The following CKAP2 variants were observed in gnomAD, a reference collection of about 807,000 sequenced individuals.
CKAP2 encodes the protein cytoskeleton-associated protein 2.
Under a neutral mutation model 58.4 loss-of-function variants are expected in CKAP2, and 46 were observed. The observed-to-expected ratio is 0.79, with a 90% CI of 0.62 to 1.01. CKAP2 has a LOEUF of 1.01. Among genes scored for constraint, CKAP2 ranks in the 50% least tolerant of loss-of-function variants. CKAP2 has a pLI of 0.00. For synonymous variants in CKAP2, 293 were observed against 280.9 expected (o/e 1.04, Z -0.43); for missense variants, 809 against 796.4 (o/e 1.02, Z -0.19).
intron 2 of CKAP2, among the ~76,000 whole-genome samples, chr13:52,457,434 T>C (rs61959680): frequency 0.022 from 3,316 of 152,268 alleles, 61 homozygotes; most frequent in Middle Eastern, 0.034. Flanking sequence ...CACAGAAATA[T>C]CTTTATTATT....
At chr13:52,457,660 C>A (rs1958508030) in intron 2 of CKAP2, among the ~76,000 whole-genome samples, 1 of 152,116 alleles carries the variant, frequency 6.6e-6, no homozygotes. Context: ...CAAGACCAGC[C>A]TGGCTAACAC....
chr13:52,455,534 G>T lies in CKAP2; in HGVS notation c.-23G>T, dbSNP rs750393676. The T allele has an allele frequency of 3.1e-6, 5 of 1,612,570 alleles. No individual in the cohort carries two copies. The South Asian group carries it at 4.4e-5, about 14-fold the overall frequency. On this transcript the variant is annotated 5_prime_UTR_variant, in exon 1 of 9. Transcript: ENST00000258607. ...TCTATCTTGGCGCTAAAGCGGAGAC[G>T]CATCCCCCGACCCGAGGCTACGATG...
intron 7 of CKAP2, among the ~76,000 whole-genome samples, chr13:52,471,416 A>G (rs1325387325): frequency 1.3e-5 from 2 of 152,102 alleles, no homozygotes; most frequent in Non-Finnish European, 2.9e-5. Flanking sequence ...GAAATGTATA[A>G]TTGTAAGTTC....
intron 6 of CKAP2, among the ~76,000 whole-genome samples, chr13:52,466,852 T>C (rs1266079643): frequency 3.3e-5 from 5 of 152,044 alleles, no homozygotes; most frequent in Non-Finnish European, 7.4e-5. Flanking sequence ...TCCCAACACG[T>C]TGGGAAGCCG....
chr13:52,462,573 GTCTT>G lies in CKAP2; in HGVS notation c.1305+8_1305+11del, dbSNP rs1056461328. On this transcript the variant is annotated splice_region_variant and intron_variant, in intron 5 of 8. Transcript: ENST00000258607. Reference sequence around the variant, plus strand: ...GCCTGAACTTGATTAATGAGGTAGAGTCTTTATATTTGCTTAGCATTTTATAGTT... The same window carrying G: ...GCCTGAACTTGATTAATGAGGTAGAGTATATTTGCTTAGCATTTTATAGTT... The G allele has an allele frequency of 2.2e-5, 36 of 1,603,976 alleles. No homozygotes were observed. The highest frequency in any genetic ancestry group is 1.7e-5 in the Admixed American group (1 of 58,048).
intron 7 of CKAP2, among the ~76,000 whole-genome samples, chr13:52,472,493 G>GTT (rs149612564): frequency 1.3e-5 from 2 of 151,098 alleles, no homozygotes; most frequent in South Asian, 2.1e-4. Context: ...AAATTCAGAG[G>GTT]TTTTTTTTTC....
At chr13:52,463,045 C>G (rs1958609715) in intron 5 of CKAP2, among the ~76,000 whole-genome samples, 1 of 152,206 alleles carries the variant, frequency 6.6e-6, no homozygotes, top group Non-Finnish European at 1.5e-5. Context: ...TGAAGCCCTT[C>G]TCCTGCCTCA....
At chr13:52,462,277 A>T (rs1374007567) in intron 4 of CKAP2, 86 bp from the exon 5 acceptor site, 1 of 1,239,124 alleles carries the variant, frequency 8.1e-7, no homozygotes, top group African/African-American at 1.5e-5. Flanking sequence ...AAGATTACTT[A>T]AAAATATGAT....
chr13:52,462,736 A>C (rs111901344), intron 5 of CKAP2, among the ~76,000 whole-genome samples, 169 bp downstream of exon 5: 1 of 152,224 alleles, frequency 6.6e-6, no homozygotes, highest in Non-Finnish European at 1.5e-5. Flanking sequence ...TGCGAGATAC[A>C]CTGCTTCATT....
In CKAP2 at chr13:52,475,840, G is replaced by C. The variant is rs1347497845; in HGVS notation, c.*699G>C. 2 of 152,308 alleles carry C rather than the reference G, an allele frequency of 1.3e-5. No individual in the cohort carries two copies. Among genetic ancestry groups the C allele is most frequent in the African/African-American group, 4.8e-5 (2 of 41,552 alleles). The allele number at this position is 152,308 out of a possible 1,614,324, so 9.4% of individuals were successfully genotyped here. A position where few individuals can be genotyped will look rare whatever the true frequency, so the allele number is the denominator to read the frequency against. ...ATTAAATACCGCATTTCTAAGAGAAGATACTTTGTGTAAGAAAAGATGCCA... is the reference window on the plus strand; with the variant it reads ...ATTAAATACCGCATTTCTAAGAGAACATACTTTGTGTAAGAAAAGATGCCA... On this transcript the variant is annotated 3_prime_UTR_variant, in exon 9 of 9. Coordinates refer to ENST00000258607, the MANE Select transcript of CKAP2 (RefSeq NM_018204.5).
rs186344190 is a variant in CKAP2, at chr13:52,470,982, A to C, written c.1546+2635A>C. On this transcript the variant is annotated intron_variant, in intron 7 of 8. Transcript: ENST00000258607. ...AGACCATCCTGGCCAACATGGTGAA[A>C]CCCCGTCTCCACTAAAAATACAAAA... Among the ~76,000 whole-genome samples, 155 of 152,100 alleles carry C rather than the reference A, an allele frequency of 1.0e-3. 2 individuals are homozygous for C. The East Asian group carries it at 0.029, about 28-fold the overall frequency.
chr13:52,461,497 G>T lies in CKAP2; in HGVS notation c.671G>T (p.Ser224Ile). The T allele has an allele frequency of 6.2e-7, 1 of 1,614,138 alleles. No individual in the cohort carries two copies. The highest frequency in any genetic ancestry group is 8.5e-7 in the Non-Finnish European group (1 of 1,180,028). The change falls in exon 4 of 9, where the codon AGT becomes ATT. Residue 224 changes from serine (S) to isoleucine (I), a missense_variant. Around this residue, in one of 3 missense-constraint regions of CKAP2, gnomAD observed 523 missense variants for 492.4 expected, o/e 1.06. Transcript: ENST00000258607. The stretch of plus-strand genomic sequence containing the variant: ...AAACCTCAGCCTGTAAACACCAGCA[G>T]TGTAACAGTGAAAAGTAATAGATCC... Reference protein sequence around the residue: ...ATKPQPVNTSSVTVKSNRSSN... With the variant: ...ATKPQPVNTSIVTVKSNRSSN...
At chr13:52,456,735 A>AT in intron 2 of CKAP2, 128 bp downstream of exon 2, 1 of 672,308 alleles carries the variant, frequency 1.5e-6, no homozygotes, top group Non-Finnish European at 2.6e-6. Context: ...CTGCTTACAT[A>AT]TTATTTTACG....
At chr13:52,473,749 A>G in intron 7 of CKAP2, 80 bp from the exon 8 acceptor site, 2 of 1,350,462 alleles carry the variant, frequency 1.5e-6, no homozygotes, top group Non-Finnish European at 2.0e-6. Flanking sequence ...AATGTGGCCA[A>G]CTAGGAACAA....
intron 5 of CKAP2, 131 bp downstream of exon 5, chr13:52,462,698 T>C: frequency 1.5e-6 from 1 of 674,040 alleles, no homozygotes; most frequent in Non-Finnish European, 2.5e-6. Flanking sequence ...TAACATTAAC[T>C]GTGAGGTTAT....
At chr13:52,468,389 T>G (rs1402370308) in intron 7 of CKAP2, 42 bp downstream of exon 7, 6 of 1,209,520 alleles carry the variant, frequency 5.0e-6, no homozygotes, top group Non-Finnish European at 4.7e-6. Context: ...GAACTGTAGT[T>G]TTTTTTTGTT....
chr13:52,461,737 C>T lies in CKAP2; in HGVS notation c.911C>T (p.Ser304Phe). 1 of 1,613,658 alleles carries T rather than the reference C, an allele frequency of 6.2e-7. No individual in the cohort carries two copies. The highest frequency in any genetic ancestry group is 1.6e-4 in the Middle Eastern group (1 of 6,062). ...TTATCTAGTGTCAAAACCAGTTCTT[C>T]TCAAGGTATAATAAGAAATAAGACT... The part of the protein sequence containing the change: ...TALSSVKTSS[S>F]QGIIRNKTLS... Residue 304 changes from serine (S) to phenylalanine (F), a missense_variant, in exon 4 of 9, where the codon TCT (serine) becomes TTT (phenylalanine). Around this residue, in one of 3 missense-constraint regions of CKAP2, gnomAD observed 523 missense variants for 492.4 expected, o/e 1.06. Transcript: ENST00000258607.
rs952817088 is a variant in CKAP2, at chr13:52,459,230, A to T, written c.156-1669A>T. On this transcript the variant is annotated intron_variant, in intron 2 of 8. Transcript: ENST00000258607. ...TGTGTCAAAGTTCTGTTCCTTCTCC[A>T]AGCTGACAGAACAAATAGATATGAA... Among the ~76,000 whole-genome samples the T allele has an allele frequency of 1.1e-4, 16 of 152,174 alleles. No individual in the cohort carries two copies. In the East Asian group the frequency reaches 3.1e-3, roughly 29 times the overall value.
At chr13:52,463,449 A>G (rs1351096984) in intron 5 of CKAP2, among the ~76,000 whole-genome samples, 1 of 152,020 alleles carries the variant, frequency 6.6e-6, no homozygotes, top group East Asian at 1.9e-4. Context: ...ATTCTCTTAC[A>G]TTTATTCACA....
Sources: gnomAD v4.1 joint callset for allele counts (sites outside exome capture counted in the v4.1 genomes callset) on GRCh38, gnomAD v4.1.1 for gene constraint, gnomAD v4.1.1 regional missense constraint, MANE v1.5 for transcripts, NCBI Gene and HGNC (gene_info 2026-07-23, HGNC 2026-07-21) for gene names.